Variants in LRP1B observed in about 807,000 individuals in gnomAD.
LRP1B encodes the protein low-density lipoprotein receptor-related protein 1B.
A neutral mutation model predicts 556.6 loss-of-function variants in LRP1B; 217 were observed. The observed-to-expected ratio is 0.39, with a 90% confidence interval of 0.35 to 0.44. The LOEUF (loss-of-function observed/expected upper bound fraction) is 0.44. Among genes scored for constraint, LRP1B ranks in the 20% least tolerant of loss-of-function variants. The pLI is 1.00. For missense variants in LRP1B, 5,053 were observed against 5,620.8 expected (o/e 0.90, Z 3.23); for synonymous variants, 2,047 against 1,865.8 (o/e 1.10, Z -2.50).
intron 43 of LRP1B, among the ~76,000 whole-genome samples, chr2:140,569,684 A>G (rs1395148342): frequency 6.6e-6 from 1 of 151,914 alleles, no homozygotes; most frequent in African/African-American, 2.4e-5. Flanking sequence ...AACACTTTAA[A>G]CCAAATGGAC....
intron 3 of LRP1B, among the ~76,000 whole-genome samples, chr2:141,301,871 T>TA (rs1021916306): frequency 1.3e-5 from 2 of 152,096 alleles, no homozygotes; most frequent in East Asian, 1.9e-4. Flanking sequence ...ATCAGTAGCC[T>TA]AAAAAAACAG....
chr2:141,680,106 T>C (rs1271725548), intron 2 of LRP1B, among the ~76,000 whole-genome samples: 1 of 151,992 alleles, frequency 6.6e-6, no homozygotes, highest in African/African-American at 2.4e-5. Context: ...GGTGGGCATA[T>C]AGCTATGTGT....
chr2:141,941,502 G>T (rs796581707), intron 1 of LRP1B, among the ~76,000 whole-genome samples: 15 of 152,190 alleles, frequency 9.9e-5, no homozygotes, highest in African/African-American at 2.9e-4. Context: ...ATTCCTTGTT[G>T]AAGGCTGCCC....
intron 1 of LRP1B, among the ~76,000 whole-genome samples, chr2:141,936,958 A>G (rs1324319905): frequency 6.6e-6 from 1 of 151,842 alleles, no homozygotes; most frequent in Non-Finnish European, 1.5e-5. Flanking sequence ...TCATAACAAC[A>G]GTATGTAAGA....
At chr2:141,283,992 T>C (rs911559730) in intron 3 of LRP1B, among the ~76,000 whole-genome samples, 1 of 152,220 alleles carries the variant, frequency 6.6e-6, no homozygotes, top group Non-Finnish European at 1.5e-5. Context: ...CGCTGAGAAT[T>C]AAGCAGGAGG....
chr2:140,877,932 G>A (rs1033698093), intron 25 of LRP1B, among the ~76,000 whole-genome samples: 1 of 152,146 alleles, frequency 6.6e-6, no homozygotes, highest in Non-Finnish European at 1.5e-5. Flanking sequence ...ACCTGTCTCA[G>A]GTTTATGGGG....
At chr2:141,481,587 C>T (rs917888562) in intron 2 of LRP1B, among the ~76,000 whole-genome samples, 3 of 152,132 alleles carry the variant, frequency 2.0e-5, no homozygotes, top group African/African-American at 7.2e-5. Context: ...TCAAATAAGC[C>T]TACCTCGTAG....
intron 2 of LRP1B, among the ~76,000 whole-genome samples, chr2:141,694,529 G>A (rs1465912849): frequency 6.6e-6 from 1 of 150,948 alleles, no homozygotes; most frequent in Non-Finnish European, 1.5e-5. Flanking sequence ...TGGCTAGTTA[G>A]TGATTGATTC....
At chr2:141,660,281 C>G (rs1391170732) in intron 2 of LRP1B, among the ~76,000 whole-genome samples, 2 of 152,126 alleles carry the variant, frequency 1.3e-5, no homozygotes, top group Non-Finnish European at 2.9e-5. Context: ...CTACCCTGCC[C>G]GGGAAGCCAT....
intron 3 of LRP1B, among the ~76,000 whole-genome samples, chr2:141,435,834 T>C (rs536128306): frequency 6.6e-6 from 1 of 152,312 alleles, no homozygotes; most frequent in East Asian, 1.9e-4. Context: ...ACCAGTCCTC[T>C]TGGTCATATC....
At chr2:141,026,666 G>A (rs549409500) in intron 11 of LRP1B, among the ~76,000 whole-genome samples, 6 of 152,150 alleles carry the variant, frequency 3.9e-5, no homozygotes, top group East Asian at 1.9e-4. Context: ...TGTGGTAAAG[G>A]AGGCCAAGTT....
chr2:140,995,343 C>G (rs1312233261), intron 15 of LRP1B, among the ~76,000 whole-genome samples: 1 of 151,362 alleles, frequency 6.6e-6, no homozygotes, highest in East Asian at 1.9e-4. Flanking sequence ...GCAATTATTA[C>G]TTCCCAAATA....
intron 2 of LRP1B, among the ~76,000 whole-genome samples, chr2:141,505,465 C>T (rs1447949803): frequency 1.3e-5 from 2 of 152,014 alleles, no homozygotes; most frequent in Admixed American, 6.6e-5. Context: ...CTATATTACA[C>T]ATATGGGCCA....
intron 24 of LRP1B, among the ~76,000 whole-genome samples, chr2:140,885,442 C>T (rs992123128): frequency 6.6e-6 from 1 of 151,824 alleles, no homozygotes; most frequent in Non-Finnish European, 1.5e-5. Flanking sequence ...CCTCCGCCTC[C>T]CAGGTTCACG....
intron 3 of LRP1B, among the ~76,000 whole-genome samples, chr2:141,279,222 T>C (rs529417111): frequency 1.3e-5 from 2 of 152,206 alleles, no homozygotes; most frequent in Non-Finnish European, 2.9e-5. Flanking sequence ...ATTATGCACC[T>C]AATTTTTTAA....
At chr2:140,749,343 G>T (rs1688490840) in intron 35 of LRP1B, among the ~76,000 whole-genome samples, 1 of 150,456 alleles carries the variant, frequency 6.6e-6, no homozygotes, top group African/African-American at 2.5e-5. Flanking sequence ...ACCTTAGCTT[G>T]CTGTAACTTT....
intron 1 of LRP1B, among the ~76,000 whole-genome samples, chr2:141,986,096 T>G (rs1040725077): frequency 6.6e-6 from 1 of 151,922 alleles, no homozygotes; most frequent in African/African-American, 2.4e-5. Context: ...TATCTAAAAT[T>G]AAGAGCTAAA....
At chr2:141,032,668 G>A (rs1215437525) in intron 11 of LRP1B, among the ~76,000 whole-genome samples, 1 of 151,440 alleles carries the variant, frequency 6.6e-6, no homozygotes, top group Non-Finnish European at 1.5e-5. Context: ...TTCTGATATT[G>A]TCTTTATTTC....
intron 43 of LRP1B, among the ~76,000 whole-genome samples, chr2:140,588,736 C>T (rs890689275): frequency 2.0e-5 from 3 of 151,984 alleles, no homozygotes; most frequent in African/African-American, 2.4e-5. Flanking sequence ...GAGGCCAAGG[C>T]GGGTGGATCA....
Sources: gnomAD v4.1 joint callset for allele counts (sites outside exome capture counted in the v4.1 genomes callset) on GRCh38, gnomAD v4.1.1 for gene constraint, MANE v1.5 for transcripts, NCBI Gene and HGNC (gene_info 2026-07-23, HGNC 2026-07-21) for gene names.